Variants in TGFBR2 observed in about 807,000 individuals in gnomAD.
TGFBR2 encodes transforming growth factor beta receptor 2.
A neutral mutation model predicts 49.0 loss-of-function variants in TGFBR2; 18 were observed. The observed-to-expected ratio is 0.37, with a 90% CI of 0.25 to 0.54. TGFBR2 has a LOEUF of 0.54. Among genes scored for constraint, TGFBR2 ranks in the 20% least tolerant of loss-of-function variants. The probability of loss-of-function intolerance (pLI) is 0.85; values close to 1 mark genes in which losing one functional copy is unlikely to be tolerated. For missense variants in TGFBR2, 525 were observed against 722.6 expected (o/e 0.73, Z 3.13); for synonymous variants, 282 against 275.9 (o/e 1.02, Z -0.22).
chr3:30,609,023 T>G (rs1697986438), intron 1 of TGFBR2, among the ~76,000 whole-genome samples: 1 of 152,226 alleles, frequency 6.6e-6, no homozygotes, highest in Admixed American at 6.5e-5. Flanking sequence ...GACCCAATAG[T>G]TCACGAGTCA....
chr3:30,652,488 C>T (rs1698914290), intron 3 of TGFBR2, among the ~76,000 whole-genome samples: 1 of 152,054 alleles, frequency 6.6e-6, no homozygotes, highest in African/African-American at 2.4e-5. Flanking sequence ...CCTGCCTTGG[C>T]CTCCCAAAGT....
At chr3:30,637,912 C>T (rs1419373795) in intron 1 of TGFBR2, among the ~76,000 whole-genome samples, 1 of 152,236 alleles carries the variant, frequency 6.6e-6, no homozygotes, top group Non-Finnish European at 1.5e-5. Flanking sequence ...ATATCAATAA[C>T]ATGTACTCCT....
chr3:30,685,958 G>T (rs946436321), intron 5 of TGFBR2, among the ~76,000 whole-genome samples: 4 of 152,146 alleles, frequency 2.6e-5, no homozygotes, highest in Admixed American at 1.3e-4. Flanking sequence ...ACTATTATAT[G>T]GTAGTACATA....
intron 1 of TGFBR2, among the ~76,000 whole-genome samples, 196 bp from the exon 2 acceptor site, chr3:30,644,551 C>G (rs1698695554): frequency 6.6e-6 from 1 of 152,118 alleles, no homozygotes; most frequent in African/African-American, 2.4e-5. Flanking sequence ...CCACCCCTCA[C>G]CACGGTACAA....
At chr3:30,620,415 G>T (rs1214383965) in intron 1 of TGFBR2, among the ~76,000 whole-genome samples, 1 of 151,932 alleles carries the variant, frequency 6.6e-6, no homozygotes, top group Non-Finnish European at 1.5e-5. Flanking sequence ...TCACCACCAA[G>T]TGTAAATGTC....
At position 30,692,265 on chromosome 3, in the gene TGFBR2, G is replaced by A. The variant is rs1259898822; in HGVS notation, c.*666G>A. The A allele has an allele frequency of 8.7e-6, 2 of 229,744 alleles. No individual in the cohort carries two copies. The highest frequency in any genetic ancestry group is 2.2e-5 in the African/African-American group (1 of 45,090). 14.2% of individuals were successfully genotyped at this position (229,744 alleles called of 1,614,324 possible). A position where few individuals can be genotyped will look rare whatever the true frequency, so the allele number is the denominator to read the frequency against. On this transcript the variant is annotated 3_prime_UTR_variant, in exon 7 of 7. Coordinates refer to ENST00000295754, the MANE Select transcript of TGFBR2 (RefSeq NM_003242.6). ...CTGTTTGAGGACCAGTGTTCCCGGG[G>A]TTCCTGTGTGCCCTTATTTCTCCTG...
In TGFBR2 at chr3:30,678,565, A is replaced by AAAAG. The variant is rs1559469323; in HGVS notation, c.1396+4321_1396+4324dup. On this transcript the variant is annotated intron_variant, in intron 5 of 6. Coordinates refer to ENST00000295754, the MANE Select transcript of TGFBR2 (RefSeq NM_003242.6). The stretch of plus-strand genomic sequence containing the variant: ...TGCGTCTAAAAAAAAAAAAAAAAAA[A>AAAAG]AAAGAGGTATGGTCCACCTCAACTG... 8.6e-3 allele frequency among the ~76,000 whole-genome samples: 1,292 copies of AAAAG among 150,400 alleles called. 28 individuals are homozygous for AAAAG. Among genetic ancestry groups the AAAAG allele is most frequent in the African/African-American group, 0.031 (1,249 of 40,706 alleles).
In TGFBR2 at chr3:30,650,457, GA is replaced by G; in HGVS notation, c.453del (p.Glu152AsnfsTer11). ...GTGCAATGACAACATCATCTTCTCA[GA>G]AGGTGAGTTTTCTTCTCTTAAGGGT... ...DECNDNIIFS[E>X]EYNTSNPDLL... On this transcript the variant is annotated frameshift_variant and splice_region_variant, in exon 3 of 7. Coordinates refer to ENST00000295754, the MANE Select transcript of TGFBR2 (RefSeq NM_003242.6). LOFTEE classifies it high-confidence loss of function. The G allele has an allele frequency of 6.2e-7, 1 of 1,613,952 alleles. No individual in the cohort carries two copies. Among genetic ancestry groups the G allele is most frequent in the Non-Finnish European group, 8.5e-7 (1 of 1,179,930 alleles).
At chr3:30,632,944 T>A (rs986363768) in intron 1 of TGFBR2, among the ~76,000 whole-genome samples, 5 of 152,242 alleles carry the variant, frequency 3.3e-5, no homozygotes, top group Non-Finnish European at 5.9e-5. Context: ...AGTGAAGTAA[T>A]TACAAAGAAC....
chr3:30,625,048 A>G (rs755606330), intron 1 of TGFBR2, among the ~76,000 whole-genome samples: 5 of 152,222 alleles, frequency 3.3e-5, no homozygotes, highest in Non-Finnish European at 7.3e-5. Flanking sequence ...AAGGGATTCC[A>G]TAGCAAGTCT....
chr3:30,648,656 T>C lies in TGFBR2; in HGVS notation c.264-1614T>C, dbSNP rs183703742. On this transcript the variant is annotated intron_variant, in intron 2 of 6. Transcript: ENST00000295754. ...CTCAACCAATTATTCTGCTTGTCACTCTTCCTGTCACAGCAGGGACCAACT... is the reference window on the plus strand; with the variant it reads ...CTCAACCAATTATTCTGCTTGTCACCCTTCCTGTCACAGCAGGGACCAACT... Among the ~76,000 whole-genome samples the C allele has an allele frequency of 1.0e-3, 158 of 152,258 alleles. 1 individual carries two copies. The highest frequency in any genetic ancestry group is 3.8e-3 in the African/African-American group (156 of 41,556).
chr3:30,687,948 T>C (rs1029682647), intron 5 of TGFBR2, among the ~76,000 whole-genome samples: 66 of 152,344 alleles, frequency 4.3e-4, no homozygotes, highest in African/African-American at 1.6e-3. Flanking sequence ...CTACATGAAA[T>C]TTAATACCAC....
chr3:30,629,483 C>A (rs1029371310), intron 1 of TGFBR2, among the ~76,000 whole-genome samples: 2 of 152,204 alleles, frequency 1.3e-5, no homozygotes, highest in Non-Finnish European at 2.9e-5. Flanking sequence ...AAACTCTTCA[C>A]CAACTGTTTA....
chr3:30,639,375 G>A (rs1461425994), intron 1 of TGFBR2, among the ~76,000 whole-genome samples: 3 of 152,176 alleles, frequency 2.0e-5, no homozygotes, highest in Non-Finnish European at 4.4e-5. Flanking sequence ...TATAATGTGA[G>A]TGGGCCTCAT....
At chr3:30,678,724 T>A (rs1307017439) in intron 5 of TGFBR2, among the ~76,000 whole-genome samples, 1 of 152,102 alleles carries the variant, frequency 6.6e-6, no homozygotes, top group Non-Finnish European at 1.5e-5. Flanking sequence ...ATTGGTAATA[T>A]GGATATAGCA....
intron 2 of TGFBR2, among the ~76,000 whole-genome samples, chr3:30,649,558 A>G (rs769358059): frequency 6.6e-6 from 1 of 152,202 alleles, no homozygotes; most frequent in Non-Finnish European, 1.5e-5. Flanking sequence ...ATTTCATTGA[A>G]CTGTAAATGA....
intron 1 of TGFBR2, among the ~76,000 whole-genome samples, chr3:30,619,955 A>G (rs957419121): frequency 7.9e-6 from 1 of 126,158 alleles, no homozygotes; most frequent in Non-Finnish European, 1.9e-5. Context: ...TGGGAGGCCG[A>G]GGCGGGCGGA....
At chr3:30,684,367 T>A (rs548269803) in intron 5 of TGFBR2, among the ~76,000 whole-genome samples, 131 of 152,252 alleles carry the variant, frequency 8.6e-4, no homozygotes, top group Non-Finnish European at 1.7e-3. Flanking sequence ...AAAGCAAACA[T>A]GCATTTAGCT....
chr3:30,612,381 C>G (rs1698046166), intron 1 of TGFBR2, among the ~76,000 whole-genome samples: 1 of 151,886 alleles, frequency 6.6e-6, no homozygotes, highest in Non-Finnish European at 1.5e-5. Context: ...CGTGTGGTCT[C>G]TATGTGTGTA....
Sources: allele counts gnomAD v4.1 joint callset (sites outside exome capture counted in the v4.1 genomes callset), GRCh38; gene constraint gnomAD v4.1.1; transcripts MANE v1.5; gene names NCBI Gene and HGNC (gene_info 2026-07-23, HGNC 2026-07-21).